Variants in SLC8B1 observed in about 807,000 individuals in gnomAD.
The protein encoded by SLC8B1 is mitochondrial sodium/calcium exchanger protein.
SLC8B1 carries 52 observed loss-of-function variants against 63.4 expected under a neutral mutation model. That is an observed-to-expected ratio of 0.82 (90% CI 0.66 to 1.03). SLC8B1 has a LOEUF of 1.03. Among genes scored for constraint, SLC8B1 ranks in the 50% least tolerant of loss-of-function variants. SLC8B1 has a pLI of 0.00. For missense variants in SLC8B1, 657 were observed against 741.7 expected (o/e 0.89, Z 1.33); for synonymous variants, 336 against 323.9 (o/e 1.04, Z -0.40).
rs373963566 is a variant in SLC8B1, at chr12:113,310,208, C to A, written c.1257+26G>T. On this transcript the variant is annotated intron_variant, in intron 12 of 15. Coordinates refer to ENST00000680972, the MANE Select transcript of SLC8B1 (RefSeq NM_001358345.2). ...GGAGACATCAGCATCCCTCCCCCCC[C>A]ATCTCGGAGAACCCGGGCTTCTTAC... 1.2e-5 allele frequency: 20 copies of A among 1,609,198 alleles called. No individual in the cohort carries two copies. The East Asian group carries it at 2.2e-4, about 18-fold the overall frequency.
At position 113,315,403 on chromosome 12, in the gene SLC8B1, C is replaced by T. The variant is rs867952007; in HGVS notation, c.1067G>A (p.Arg356Gln). Residue 356 changes from arginine to glutamine, a missense_variant, in exon 11 of 16, where the codon CGG becomes CAG. Coordinates refer to ENST00000680972, the MANE Select transcript of SLC8B1 (RefSeq NM_001358345.2). ...AACCAGATGCAGACAGTTGAGGGGC[C>T]GTTTCCAGTTCTGGTCATCCTTGTC... The part of the protein sequence containing the change: ...DPDKDDQNWK[R>Q]PLNCLHLVIS... 2.1e-5 allele frequency: 34 copies of T among 1,584,016 alleles called. No homozygotes were observed. The highest frequency in any genetic ancestry group is 2.1e-4 in the South Asian group (18 of 86,430).
At chr12:113,300,882 T>A (rs1956578239) in intron 15 of SLC8B1, among the ~76,000 whole-genome samples, 1 of 152,224 alleles carries the variant, frequency 6.6e-6, no homozygotes, top group African/African-American at 2.4e-5. Context: ...AGGCCTGTAA[T>A]CCCAACACTT....
At chr12:113,302,618 C>T (rs1034804039) in intron 15 of SLC8B1, 5 of 455,970 alleles carry the variant, frequency 1.1e-5, no homozygotes, top group African/African-American at 4.0e-5. Flanking sequence ...ATATCCAACA[C>T]GCAGTGAAGA....
At chr12:113,303,048 TGGTAG>T in intron 15 of SLC8B1, among the ~76,000 whole-genome samples, 1 of 139,530 alleles carries the variant, frequency 7.2e-6, no homozygotes, top group Non-Finnish European at 1.5e-5. Flanking sequence ...AGCACAAAGG[TGGTAG>T]ACACACACAC....
intron 11 of SLC8B1, 56 bp downstream of exon 11, chr12:113,315,279 T>C: frequency 6.9e-7 from 1 of 1,453,760 alleles, no homozygotes; most frequent in Non-Finnish European, 9.1e-7. Flanking sequence ...GGAAGAAAAC[T>C]CCAGAACGTG....
chr12:113,331,362 T>G (rs1957051710), intron 2 of SLC8B1, among the ~76,000 whole-genome samples: 1 of 137,334 alleles, frequency 7.3e-6, no homozygotes, highest in Non-Finnish European at 1.5e-5. Flanking sequence ...CACTCCAGCC[T>G]GGGTATAGAG....
In SLC8B1 at chr12:113,299,548, G is replaced by A. The variant is rs539261311; in HGVS notation, c.*229C>T. On this transcript the variant is annotated 3_prime_UTR_variant, in exon 16 of 16. Coordinates refer to ENST00000680972, the MANE Select transcript of SLC8B1 (RefSeq NM_001358345.2). ...GCTTCTCTCTGGAACCCTTTGTCCA[G>A]AGCAAAGCCAGGTTTCCAAGGTCCC... 5 of 547,984 alleles carry A rather than the reference G, an allele frequency of 9.1e-6. No individual in the cohort carries two copies. Among genetic ancestry groups the A allele is most frequent in the Non-Finnish European group, 1.6e-5 (5 of 304,648 alleles). 33.9% of individuals were successfully genotyped at this position (547,984 alleles called of 1,614,324 possible).
At chr12:113,314,007 CAAAAT>C (rs1270520507) in intron 11 of SLC8B1, among the ~76,000 whole-genome samples, 2 of 151,632 alleles carry the variant, frequency 1.3e-5, no homozygotes, top group East Asian at 1.9e-4. Flanking sequence ...GACTACGTCT[CAAAAT>C]AAAATAAAAT....
chr12:113,300,907 G>A (rs1030949396), intron 15 of SLC8B1, among the ~76,000 whole-genome samples: 4 of 152,182 alleles, frequency 2.6e-5, no homozygotes, highest in Non-Finnish European at 4.4e-5. Context: ...AGGCCAAAGC[G>A]GGCAGATCAC....
At chr12:113,310,191 C>G in intron 12 of SLC8B1, 43 bp downstream of exon 12, 1 of 1,599,438 alleles carries the variant, frequency 6.3e-7, no homozygotes, top group Non-Finnish European at 8.5e-7. Flanking sequence ...TGGGAGACAT[C>G]AGCATCCCTC....
rs1233138250 is a variant in SLC8B1 at position 113,334,973 on chromosome 12, G to A, written c.-613C>T. 1 of 152,328 alleles carries A rather than the reference G, an allele frequency of 6.6e-6. No homozygotes were observed. The highest frequency in any genetic ancestry group is 1.5e-5 in the Non-Finnish European group (1 of 68,104). The allele number at this position is 152,328 out of a possible 1,614,324, so 9.4% of individuals were successfully genotyped here. A position where few individuals can be genotyped will look rare whatever the true frequency, so the allele number is the denominator to read the frequency against. On this transcript the variant is annotated 5_prime_UTR_variant, in exon 1 of 16. Coordinates refer to ENST00000680972, the MANE Select transcript of SLC8B1 (RefSeq NM_001358345.2). ...GGCGCCCGGGTCCTCCGGCCGTGCG[G>A]GGAGGCGGCTCTTTCTTACCTCGGG...
intron 2 of SLC8B1, among the ~76,000 whole-genome samples, chr12:113,329,321 C>A (rs1363988833): frequency 1.3e-5 from 2 of 152,178 alleles, no homozygotes; most frequent in Non-Finnish European, 2.9e-5. Flanking sequence ...AAGTTACTCG[C>A]TGAAGCTCCT....
intron 11 of SLC8B1, among the ~76,000 whole-genome samples, chr12:113,314,361 G>A (rs532332281): frequency 6.6e-6 from 1 of 152,376 alleles, no homozygotes; most frequent in South Asian, 2.1e-4. Flanking sequence ...CCATGCATCT[G>A]CACCAGAGTC....
At position 113,316,667 on chromosome 12, in the gene SLC8B1, G is replaced by A. The variant is rs766581444; in HGVS notation, c.863-11C>T. The A allele has an allele frequency of 3.7e-6, 6 of 1,612,288 alleles. No homozygotes were observed. Among genetic ancestry groups the A allele is most frequent in the Non-Finnish European group, 5.1e-6 (6 of 1,179,650 alleles). ...GCCGGTACTCATCACCTGTGTGCAG[G>A]GGTCGGGTGGTGAGGTGTGCCTGCG... is the stretch of plus-strand genomic sequence containing the variant. On this transcript the variant is annotated splice_polypyrimidine_tract_variant and intron_variant, in intron 9 of 15. Transcript: ENST00000680972.
At chr12:113,310,205 C>A (rs187393591) in intron 12 of SLC8B1, 29 bp downstream of exon 12, 74 of 1,608,428 alleles carry the variant, frequency 4.6e-5, no homozygotes, top group East Asian at 4.0e-4. Context: ...ATCCCTCCCC[C>A]CCCATCTCGG....
intron 2 of SLC8B1, among the ~76,000 whole-genome samples, chr12:113,322,122 C>T (rs1251277485): frequency 2.6e-5 from 4 of 151,684 alleles, no homozygotes; most frequent in Non-Finnish European, 4.4e-5. Context: ...CACCTGAGCC[C>T]AGGAGGTTGA....
rs578039396 is a variant in SLC8B1, at chr12:113,305,189, G to A, written c.1493-804C>T. On this transcript the variant is annotated intron_variant, in intron 14 of 15. Transcript: ENST00000680972. This position sits in a 1 kb window ranked among gnomAD's most constrained non-coding sequence, Gnocchi z 4.3. ...TGGGCCGAGGCCATCTCTAGGGGTC[G>A]TTCAGGGCTCCCTCCTTCCCAGCCA... is the stretch of plus-strand genomic sequence containing the variant. 3.9e-5 allele frequency among the ~76,000 whole-genome samples: 6 copies of A among 152,348 alleles called. No individual in the cohort carries two copies. Among genetic ancestry groups the A allele is most frequent in the East Asian group, 3.9e-4 (2 of 5,178 alleles).
chr12:113,303,010 C>T (rs1311608094), intron 15 of SLC8B1, among the ~76,000 whole-genome samples: 3 of 150,926 alleles, frequency 2.0e-5, no homozygotes, highest in East Asian at 3.9e-4. Flanking sequence ...GACACACGCG[C>T]ACACACACAC....
rs1957101591 is a variant in SLC8B1 at position 113,334,449 on chromosome 12, A to G, written c.-89T>C. Reference sequence around the variant, plus strand: ...TCCCAGCCAGGTTCCTTACCTGTCCACGGAAGACACGGCCCTTCCTCTTCT... The same window carrying G: ...TCCCAGCCAGGTTCCTTACCTGTCCGCGGAAGACACGGCCCTTCCTCTTCT... On this transcript the variant is annotated 5_prime_UTR_variant, in exon 1 of 16. Coordinates refer to ENST00000680972, the MANE Select transcript of SLC8B1 (RefSeq NM_001358345.2). 1 of 152,172 alleles carries G rather than the reference A, an allele frequency of 6.6e-6. No individual in the cohort carries two copies. The allele number at this position is 152,172 out of a possible 1,614,324, so 9.4% of individuals were successfully genotyped here.
Sources: allele counts gnomAD v4.1 joint callset (sites outside exome capture counted in the v4.1 genomes callset), GRCh38; gene constraint gnomAD v4.1.1; non-coding constraint Gnocchi (gnomAD v3.1); transcripts MANE v1.5; gene names NCBI Gene and HGNC (gene_info 2026-07-23, HGNC 2026-07-21).